The following PLPP4 variants were observed in gnomAD, a reference collection of about 807,000 sequenced individuals.
PLPP4 encodes the protein diacylglycerol pyrophosphate like 2.
In PLPP4, 20 loss-of-function variants were observed where a neutral mutation model predicts 32.2. That is an observed-to-expected ratio of 0.62 (90% CI 0.44 to 0.90). The LOEUF is 0.90. PLPP4 is among the 40% of genes least tolerant of loss of function. The pLI is 0.00. For missense variants in PLPP4, 257 were observed against 353.1 expected, an observed-to-expected ratio of 0.73 and a Z score of 2.18; for synonymous variants, 127 against 133.0, an observed-to-expected ratio of 0.95 and a Z score of 0.31.
At chr10:120,574,442 T>C (rs1849115337) in intron 5 of PLPP4, among the ~76,000 whole-genome samples, 1 of 152,186 alleles carries the variant, frequency 6.6e-6, no homozygotes, top group Admixed American at 6.5e-5. Flanking sequence ...CTCAGACCTC[T>C]ACACTTTCGA....
At chr10:120,482,715 G>A (rs764474293) in intron 1 of PLPP4, among the ~76,000 whole-genome samples, 5 of 150,940 alleles carry the variant, frequency 3.3e-5, no homozygotes, top group Non-Finnish European at 5.9e-5. Flanking sequence ...CCATCCTGGC[G>A]AACAGGGTGA....
chr10:120,463,263 T>TG (rs968345654), intron 1 of PLPP4, among the ~76,000 whole-genome samples: 20 of 152,264 alleles, frequency 1.3e-4, no homozygotes, highest in Admixed American at 1.3e-3. Context: ...CCTGACCTCG[T>TG]GATCTGCCCA....
chr10:120,525,366 A>T (rs886457963), intron 5 of PLPP4, among the ~76,000 whole-genome samples: 2 of 152,244 alleles, frequency 1.3e-5, no homozygotes, highest in Non-Finnish European at 2.9e-5. Flanking sequence ...AAACTCTATT[A>T]CAGTATAAAA....
chr10:120,481,869 G>T (rs766481362), intron 1 of PLPP4, among the ~76,000 whole-genome samples: 11 of 152,290 alleles, frequency 7.2e-5, no homozygotes, highest in African/African-American at 2.4e-4. Context: ...ATGGGGGCAG[G>T]TCTTTCTTCT....
intron 1 of PLPP4, among the ~76,000 whole-genome samples, chr10:120,498,655 T>C (rs1589769096): frequency 4.0e-5 from 1 of 24,730 alleles, no homozygotes; most frequent in Non-Finnish European, 8.7e-5. Context: ...TCTTCTATTC[T>C]TTTTTTTTTT....
chr10:120,457,164 C>T (rs955658890), upstream of PLPP4: 11 of 417,060 alleles, frequency 2.6e-5, no homozygotes, highest in Non-Finnish European at 4.0e-5. Context: ...CGCCTGCCCC[C>T]GCCCGGCGCC....
intron 1 of PLPP4, 178 bp from the exon 2 acceptor site, chr10:120,503,640 C>G (rs1264230974): frequency 5.3e-5 from 85 of 1,603,670 alleles, no homozygotes; most frequent in Non-Finnish European, 7.2e-5. Flanking sequence ...CTCAGTGATT[C>G]TTTCAGTCCT....
chr10:120,539,046 A>G lies in PLPP4; in HGVS notation c.445+17951A>G, dbSNP rs1204533605. Among the ~76,000 whole-genome samples, 3 of 152,152 alleles carry G rather than the reference A, an allele frequency of 2.0e-5. No individual in the cohort carries two copies. The East Asian group carries it at 5.8e-4, about 29-fold the overall frequency. ...GCTTTTGCACTTGCCCTTCTCCCGT[A>G]TTTCCCACGTGCTGTCAGAAGCCCA... On this transcript the variant is annotated intron_variant, in intron 5 of 6. Coordinates refer to ENST00000398250, the MANE Select transcript of PLPP4 (RefSeq NM_001030059.3).
At chr10:120,532,491 A>T (rs1162026208) in intron 5 of PLPP4, among the ~76,000 whole-genome samples, 1 of 152,096 alleles carries the variant, frequency 6.6e-6, no homozygotes, top group Non-Finnish European at 1.5e-5. Flanking sequence ...CACCCATTTA[A>T]AATGGTTTAT....
At chr10:120,580,831 C>T in intron 6 of PLPP4, 1 of 1,252,040 alleles carries the variant, frequency 8.0e-7, no homozygotes. Flanking sequence ...AGAACAAAAA[C>T]ACTGAAATTC....
chr10:120,520,431 T>C (rs1275623483), intron 4 of PLPP4, among the ~76,000 whole-genome samples: 1 of 152,224 alleles, frequency 6.6e-6, no homozygotes, highest in African/African-American at 2.4e-5. Context: ...GAGTGGTAGA[T>C]TAATAGGATT....
chr10:120,574,762 G>A (rs1280944905), intron 5 of PLPP4, among the ~76,000 whole-genome samples: 2 of 152,108 alleles, frequency 1.3e-5, no homozygotes, highest in Non-Finnish European at 2.9e-5. Context: ...TTATCTCTTA[G>A]CATGGTATGT....
Position 120,537,241 on chromosome 10 carries a change from C to G in PLPP4, c.445+16146C>G, listed in dbSNP as rs928928313. Among the ~76,000 whole-genome samples, 6 of 152,130 alleles carry G rather than the reference C, an allele frequency of 3.9e-5. No homozygotes were observed. In the South Asian group the frequency reaches 8.3e-4, roughly 21 times the overall value. On this transcript the variant is annotated intron_variant, in intron 5 of 6. Coordinates refer to ENST00000398250, the MANE Select transcript of PLPP4 (RefSeq NM_001030059.3). Reference sequence around the variant, plus strand: ...TATGTCAAAGAGATATCTGTACCACCAAATTCATTGCAGCATTATTCACAA... The same window carrying G: ...TATGTCAAAGAGATATCTGTACCACGAAATTCATTGCAGCATTATTCACAA...
intron 2 of PLPP4, among the ~76,000 whole-genome samples, chr10:120,509,517 G>T (rs1400795688): frequency 6.6e-6 from 1 of 152,092 alleles, no homozygotes; most frequent in Non-Finnish European, 1.5e-5. Flanking sequence ...TAAAGATGGT[G>T]TTCAATATAT....
At chr10:120,542,401 A>G (rs935058931) in intron 5 of PLPP4, among the ~76,000 whole-genome samples, 1 of 150,484 alleles carries the variant, frequency 6.6e-6, no homozygotes, top group African/African-American at 2.5e-5. Flanking sequence ...TGAATCACAT[A>G]ATTTATGGAA....
intron 5 of PLPP4, among the ~76,000 whole-genome samples, chr10:120,560,335 A>AC (rs1242059768): frequency 6.8e-6 from 1 of 147,600 alleles, no homozygotes; most frequent in Admixed American, 6.9e-5. Flanking sequence ...ATTGCAAAAA[A>AC]AAAAAAAAAG....
chr10:120,553,216 T>A (rs1422229071), intron 5 of PLPP4, among the ~76,000 whole-genome samples: 1 of 152,240 alleles, frequency 6.6e-6, no homozygotes, highest in Non-Finnish European at 1.5e-5. Flanking sequence ...TGTCATGATG[T>A]GAATGTGTTC....
chr10:120,519,942 A>C (rs1159383816), intron 4 of PLPP4, among the ~76,000 whole-genome samples: 2 of 152,208 alleles, frequency 1.3e-5, no homozygotes, highest in Non-Finnish European at 2.9e-5. Flanking sequence ...GTCAGCATGA[A>C]GATCCAGGCG....
intron 1 of PLPP4, among the ~76,000 whole-genome samples, chr10:120,474,050 TA>T (rs1843787902): frequency 6.6e-6 from 1 of 152,196 alleles, no homozygotes; most frequent in Non-Finnish European, 1.5e-5. Flanking sequence ...TTTGCATAAT[TA>T]TTTTTTTCTC....
Sources: allele counts gnomAD v4.1 joint callset (sites outside exome capture counted in the v4.1 genomes callset), GRCh38; gene constraint gnomAD v4.1.1; transcripts MANE v1.5; gene names NCBI Gene and HGNC (gene_info 2026-07-23, HGNC 2026-07-21).